The following CABIN1 variants were observed in gnomAD, a reference collection of about 807,000 sequenced individuals.
The protein encoded by CABIN1 is calcineurin binding protein 1, also known as calcineurin-binding protein cabin-1.
A neutral mutation model predicts 227.7 loss-of-function variants in CABIN1; 133 were observed. That is an observed-to-expected ratio of 0.58 (90% CI 0.51 to 0.67). The LOEUF (loss-of-function observed/expected upper bound fraction) is 0.67. Ranked by LOEUF, CABIN1 falls within the 30% of genes least tolerant of loss-of-function variation. The probability of loss-of-function intolerance (pLI) is 0.00; values close to 1 mark genes in which losing one functional copy is unlikely to be tolerated. For synonymous variants in CABIN1, 1,086 were observed against 1,155.1 expected (o/e 0.94, Z 1.21); for missense variants, 2,408 against 2,852.5 (o/e 0.84, Z 3.55).
intron 16 of CABIN1, among the ~76,000 whole-genome samples, chr22:24,069,021 C>A (rs568136426): frequency 1.3e-5 from 2 of 152,192 alleles, no homozygotes; most frequent in African/African-American, 2.4e-5. Context: ...GTTTTATTCC[C>A]GCAGTGTTAA....
intron 12 of CABIN1, among the ~76,000 whole-genome samples, chr22:24,061,310 C>T (rs2039173998): frequency 6.6e-6 from 1 of 152,192 alleles, no homozygotes; most frequent in African/African-American, 2.4e-5. Flanking sequence ...GAAGCAGGAG[C>T]ACCAGGAACA....
chr22:24,120,286 T>G (rs2043333863), intron 28 of CABIN1, among the ~76,000 whole-genome samples: 1 of 152,166 alleles, frequency 6.6e-6, no homozygotes, highest in Non-Finnish European at 1.5e-5. Flanking sequence ...CAGCTCTTTT[T>G]GGAAAGCGGA....
intron 7 of CABIN1, among the ~76,000 whole-genome samples, chr22:24,049,920 G>A (rs1424032797): frequency 2.0e-5 from 3 of 152,000 alleles, no homozygotes; most frequent in Admixed American, 6.6e-5. Context: ...AAGAATACCT[G>A]CCCCTCCTGC....
chr22:24,031,042 A>G (rs17640037), intron 1 of CABIN1, among the ~76,000 whole-genome samples: 2,844 of 152,244 alleles, frequency 0.019, 48 homozygotes, highest in Non-Finnish European at 0.029. Context: ...CCTTGGCATG[A>G]TGGCTGTATT....
intron 29 of CABIN1, among the ~76,000 whole-genome samples, chr22:24,162,886 A>C (rs182882159): frequency 6.6e-6 from 1 of 152,210 alleles, no homozygotes; most frequent in African/African-American, 2.4e-5. Flanking sequence ...GTTGGTGTCT[A>C]TGTGCCCTGG....
intron 25 of CABIN1, among the ~76,000 whole-genome samples, chr22:24,097,239 G>A (rs2041949301): frequency 6.6e-6 from 1 of 152,096 alleles, no homozygotes; most frequent in Admixed American, 6.5e-5. Flanking sequence ...GAACATTCAG[G>A]TAGTATATAA....
intron 16 of CABIN1, among the ~76,000 whole-genome samples, chr22:24,069,865 C>T (rs1185904456): frequency 1.3e-5 from 2 of 152,116 alleles, no homozygotes; most frequent in Non-Finnish European, 2.9e-5. Context: ...GGCAGCTGCA[C>T]ATGTCAAGGT....
intron 29 of CABIN1, among the ~76,000 whole-genome samples, chr22:24,144,204 G>A (rs1404411437): frequency 1.3e-5 from 2 of 152,202 alleles, no homozygotes; most frequent in Non-Finnish European, 2.9e-5. Context: ...CTATGTCGTT[G>A]GAAATTCAGA....
chr22:24,063,282 C>T, intron 14 of CABIN1, 136 bp downstream of exon 14: 3 of 870,220 alleles, frequency 3.4e-6, no homozygotes, highest in Non-Finnish European at 5.5e-6. Context: ...ATGCATAGCA[C>T]CTGCCCGGGC....
chr22:24,014,420 ATT>A (rs34439629), intron 1 of CABIN1, among the ~76,000 whole-genome samples: 2 of 144,336 alleles, frequency 1.4e-5, no homozygotes. Context: ...ACTGGCCCTC[ATT>A]TTTTTTTTTT....
chr22:24,121,891 T>C (rs2147959863), intron 28 of CABIN1, among the ~76,000 whole-genome samples: 1 of 152,354 alleles, frequency 6.6e-6, no homozygotes, highest in East Asian at 1.9e-4. Flanking sequence ...AGTAGTGAGC[T>C]CAGACCCTTC....
chr22:24,151,075 T>G (rs1397836860), intron 29 of CABIN1, among the ~76,000 whole-genome samples: 1 of 152,142 alleles, frequency 6.6e-6, no homozygotes, highest in Non-Finnish European at 1.5e-5. Context: ...TAAGAGGTAG[T>G]GGGATGTGAG....
intron 29 of CABIN1, among the ~76,000 whole-genome samples, chr22:24,153,435 C>T (rs1013944142): frequency 6.6e-6 from 1 of 152,176 alleles, no homozygotes; most frequent in Non-Finnish European, 1.5e-5. Flanking sequence ...AGGGTGCTGA[C>T]AGTGCCAGTA....
chr22:24,178,175 C>A lies in CABIN1; in HGVS notation c.6642C>A (p.Asp2214Glu), dbSNP rs142176829. Residue 2214 changes from aspartate (D) to glutamate (E), a missense_variant, in exon 37 of 37, where the codon GAC (aspartate) becomes GAA (glutamate). Asp to Glu is a conservative substitution (Grantham distance 45). This residue lies in a region of CABIN1 where 714 missense variants were observed against 773.8 expected (regional missense o/e 0.92). Coordinates refer to ENST00000263119, the MANE Select transcript of CABIN1 (RefSeq NM_012295.4). ...CGCTGGAGAGCGAGACAGACGAGGA[C>A]GACGACTACATGGACATTTGAGGGG... is the stretch of plus-strand genomic sequence containing the variant. ...ESSLESETDE[D>E]DDYMDI 4.3e-6 allele frequency: 7 copies of A among 1,613,130 alleles called. No homozygotes were observed. The highest frequency in any genetic ancestry group is 5.1e-6 in the Non-Finnish European group (6 of 1,179,830).
chr22:24,170,694 CAG>C (rs1468498746), intron 33 of CABIN1, among the ~76,000 whole-genome samples: 1 of 150,274 alleles, frequency 6.7e-6, no homozygotes, highest in Non-Finnish European at 1.5e-5. Context: ...AATTGAGGAA[CAG>C]GGCATTTTAG....
At chr22:24,033,327 AT>A (rs1418199583) in intron 1 of CABIN1, among the ~76,000 whole-genome samples, 1 of 152,016 alleles carries the variant, frequency 6.6e-6, no homozygotes, top group East Asian at 1.9e-4. Context: ...TTTTAAATTT[AT>A]TTTATTATTA....
intron 1 of CABIN1, among the ~76,000 whole-genome samples, chr22:24,033,038 A>G (rs952915380): frequency 6.6e-6 from 1 of 152,236 alleles, no homozygotes; most frequent in Non-Finnish European, 1.5e-5. Context: ...AGATCGCGCC[A>G]CTGCACTCCA....
At chr22:24,105,893 A>G (rs1169239924) in intron 26 of CABIN1, among the ~76,000 whole-genome samples, 1 of 152,214 alleles carries the variant, frequency 6.6e-6, no homozygotes, top group Non-Finnish European at 1.5e-5. Context: ...GAGCACAGGC[A>G]GACCCAGCCG....
intron 18 of CABIN1, among the ~76,000 whole-genome samples, chr22:24,075,492 C>T (rs927325304): frequency 6.6e-6 from 1 of 152,182 alleles, no homozygotes; most frequent in Non-Finnish European, 1.5e-5. Context: ...GGCGCCATGG[C>T]TCATGCCTGT....
Sources: allele counts gnomAD v4.1 joint callset (sites outside exome capture counted in the v4.1 genomes callset), GRCh38; gene constraint gnomAD v4.1.1; regional missense constraint gnomAD v4.1.1; transcripts MANE v1.5; gene names NCBI Gene and HGNC (gene_info 2026-07-23, HGNC 2026-07-21).